Variants in RSPRY1 observed in about 807,000 individuals in gnomAD.
The protein encoded by RSPRY1 is RING finger and SPRY domain-containing protein 1.
A neutral mutation model predicts 73.1 loss-of-function variants in RSPRY1; 23 were observed. The observed-to-expected ratio is 0.31, with a 90% CI of 0.23 to 0.45. RSPRY1 has a LOEUF of 0.45. RSPRY1 is among the 20% of genes least tolerant of loss of function. The pLI is 1.00. For missense variants in RSPRY1, 448 were observed against 698.7 expected (o/e 0.64, Z 4.05); for synonymous variants, 226 against 251.4 (o/e 0.90, Z 0.95).
chr16:57,207,674 C>T, intron 2 of RSPRY1: 2 of 460,480 alleles, frequency 4.3e-6, no homozygotes, highest in Non-Finnish European at 8.7e-6. Context: ...CTCTTCCTGG[C>T]ATTTCTCTGA....
At chr16:57,214,016 T>TGAGAAAATGCA in intron 6 of RSPRY1, 70 bp downstream of exon 6, 1 of 1,072,918 alleles carries the variant, frequency 9.3e-7, no homozygotes, top group Non-Finnish European at 1.4e-6. Flanking sequence ...CTGTGCATTT[T>TGAGAAAATGCA]CTCAAATTGC....
In RSPRY1 at chr16:57,220,826, G is replaced by T; in HGVS notation, c.996G>T (p.Lys332Asn). The change falls in exon 9 of 15, where the codon AAG becomes AAT. Residue 332 changes from lysine (K) to asparagine (N), a missense_variant. Lys to Asn is a moderately conservative substitution (Grantham distance 94). Coordinates refer to ENST00000394420, the MANE Select transcript of RSPRY1 (RefSeq NM_133368.3). ...LNSNDVSEYL[K>N]ISPHGLEARC... ...GCAATGATGTCAGCGAGTACCTGAA[G>T]ATCTCACCTCATGGCTTAGAGGTAG... 1 of 1,612,670 alleles carries T rather than the reference G, an allele frequency of 6.2e-7. No individual in the cohort carries two copies. The highest frequency in any genetic ancestry group is 8.5e-7 in the Non-Finnish European group (1 of 1,178,666).
intron 3 of RSPRY1, among the ~76,000 whole-genome samples, 163 bp from the exon 4 acceptor site, chr16:57,208,912 A>G (rs1346503400): frequency 3.9e-5 from 6 of 152,232 alleles, no homozygotes; most frequent in Non-Finnish European, 7.3e-5. Context: ...TTTTTACTCC[A>G]CCACGATGAC....
rs375654242 is a variant in RSPRY1, at chr16:57,209,070, C to T, written c.404-5C>T. 7 of 1,583,706 alleles carry T rather than the reference C, an allele frequency of 4.4e-6. No individual in the cohort carries two copies. The highest frequency in any genetic ancestry group is 4.0e-5 in the African/African-American group (3 of 74,104). On this transcript the variant is annotated splice_polypyrimidine_tract_variant and splice_region_variant and intron_variant, in intron 3 of 14. Coordinates refer to ENST00000394420, the MANE Select transcript of RSPRY1 (RefSeq NM_133368.3). ...CATCATATAATCTTCTTGATTTGCT[C>T]TTAGATGAAGGATGGTTGGATGTTG...
chr16:57,188,990 CTTTT>C (rs111782511), intron 1 of RSPRY1, among the ~76,000 whole-genome samples: 2 of 121,470 alleles, frequency 1.6e-5, no homozygotes, highest in African/African-American at 6.1e-5. Flanking sequence ...TACTCAGTGA[CTTTT>C]TTTTTTTTTT....
chr16:57,186,260 T>C, upstream of RSPRY1: 1 of 819,530 alleles, frequency 1.2e-6, no homozygotes, highest in Non-Finnish European at 1.5e-6. Flanking sequence ...AGGAGAGGGC[T>C]TGCCACCGAG....
chr16:57,216,214 G>A, intron 7 of RSPRY1, 41 bp downstream of exon 7: 1 of 1,450,178 alleles, frequency 6.9e-7, no homozygotes, highest in Non-Finnish European at 9.6e-7. Context: ...CTTCTGTATT[G>A]GTTGTTAAAA....
intron 2 of RSPRY1, among the ~76,000 whole-genome samples, chr16:57,205,643 C>A (rs2074711001): frequency 6.6e-6 from 1 of 152,180 alleles, no homozygotes; most frequent in African/African-American, 2.4e-5. Context: ...TAGAAAAAAA[C>A]ATTTAACTTA....
intron 11 of RSPRY1, among the ~76,000 whole-genome samples, chr16:57,228,344 A>G (rs2082789511): frequency 6.7e-6 from 1 of 150,282 alleles, no homozygotes; most frequent in African/African-American, 2.4e-5. Context: ...CACTTGATTA[A>G]ATTGGTGGTG....
At position 57,239,816 on chromosome 16, in the gene RSPRY1, TAAA is replaced by T. The variant is rs745666473; in HGVS notation, c.*847_*849del. The T allele has an allele frequency of 3.9e-5, 6 of 152,172 alleles. No individual in the cohort carries two copies. The highest frequency in any genetic ancestry group is 6.5e-5 in the Admixed American group (1 of 15,280). The allele number at this position is 152,172 out of a possible 1,614,324, so 9.4% of individuals were successfully genotyped here. A position where few individuals can be genotyped will look rare whatever the true frequency, so the allele number is the denominator to read the frequency against. Reference sequence around the variant, plus strand: ...TCAAATCAGATTTCTGTTTTTTTGTTAAAAAAAATTTTTTTAATCAGTATTGTT... The same window carrying T: ...TCAAATCAGATTTCTGTTTTTTTGTTAAAAATTTTTTTAATCAGTATTGTT... On this transcript the variant is annotated 3_prime_UTR_variant, in exon 15 of 15. Transcript: ENST00000394420.
At chr16:57,199,023 T>G (rs752631025) in intron 1 of RSPRY1, among the ~76,000 whole-genome samples, 1 of 152,200 alleles carries the variant, frequency 6.6e-6, no homozygotes, top group Non-Finnish European at 1.5e-5. Flanking sequence ...AAAGTGTTAG[T>G]TGGGTTAGCC....
At chr16:57,230,437 C>A (rs553597501) in intron 11 of RSPRY1, among the ~76,000 whole-genome samples, 1 of 152,262 alleles carries the variant, frequency 6.6e-6, no homozygotes, top group East Asian at 1.9e-4. Flanking sequence ...GCCCAAAATG[C>A]GTATTTTTCC....
Position 57,216,636 on chromosome 16 carries a change from C to A in RSPRY1, c.770-268C>A, listed in dbSNP as rs536797195. 6 of 424,800 alleles carry A rather than the reference C, an allele frequency of 1.4e-5. No homozygotes were observed. The East Asian group carries it at 2.7e-4, about 19-fold the overall frequency. The allele number at this position is 424,800 out of a possible 1,614,324, so 26.3% of individuals were successfully genotyped here. ...TTGGGATGCTGAGGCGGGGGGATCA[C>A]TTGAGCCCAGTAGTTCAAGGTTACA... On this transcript the variant is annotated intron_variant, in intron 7 of 14. Transcript: ENST00000394420.
At chr16:57,200,642 G>A in intron 1 of RSPRY1, among the ~76,000 whole-genome samples, 1 of 145,518 alleles carries the variant, frequency 6.9e-6, no homozygotes, top group African/African-American at 2.5e-5. Context: ...CCCGGACGGG[G>A]CGGCTGGCCG....
intron 1 of RSPRY1, among the ~76,000 whole-genome samples, chr16:57,201,241 C>T (rs1250821780): frequency 1.3e-5 from 2 of 151,122 alleles, no homozygotes; most frequent in Admixed American, 6.6e-5. Context: ...ACTTCTCAGA[C>T]GGTGTGGCTG....
intron 1 of RSPRY1, among the ~76,000 whole-genome samples, chr16:57,203,663 G>A (rs1272829911): frequency 6.6e-6 from 1 of 152,158 alleles, no homozygotes; most frequent in Non-Finnish European, 1.5e-5. Flanking sequence ...GATGAGAATG[G>A]CCATCCATGA....
intron 10 of RSPRY1, among the ~76,000 whole-genome samples, chr16:57,222,526 C>T (rs567233166): frequency 6.6e-6 from 1 of 152,328 alleles, no homozygotes; most frequent in East Asian, 1.9e-4. Context: ...GAGGTCAAGT[C>T]TGTACTCCTG....
chr16:57,201,326 C>T (rs1305173817), intron 1 of RSPRY1, among the ~76,000 whole-genome samples: 11 of 145,126 alleles, frequency 7.6e-5, no homozygotes, highest in Admixed American at 1.3e-4. Flanking sequence ...TCAGACGGGG[C>T]GGCCGGGCAG....
At chr16:57,193,287 C>G (rs1243280723) in intron 1 of RSPRY1, among the ~76,000 whole-genome samples, 1 of 152,194 alleles carries the variant, frequency 6.6e-6, no homozygotes, top group East Asian at 1.9e-4. Context: ...AATCTACCCC[C>G]TTCTTACCTT....
Sources: gnomAD v4.1 joint callset for allele counts (sites outside exome capture counted in the v4.1 genomes callset) on GRCh38, gnomAD v4.1.1 for gene constraint, MANE v1.5 for transcripts, NCBI Gene and HGNC (gene_info 2026-07-23, HGNC 2026-07-21) for gene names.